The following PARD3 variants were observed in gnomAD, a reference collection of about 807,000 sequenced individuals.
The protein encoded by PARD3 is partitioning defective 3 homolog.
In PARD3, 75 loss-of-function variants were observed where a neutral mutation model predicts 155.4. The ratio of observed to expected loss-of-function variants is 0.48; its 90% CI spans 0.40 to 0.58. PARD3 has a LOEUF of 0.58. Among genes scored for constraint, PARD3 ranks in the 20% least tolerant of loss-of-function variants. The pLI is 0.00. For missense variants in PARD3, 1,642 were observed against 1,721.7 expected (o/e 0.95, Z 0.82); for synonymous variants, 576 against 610.5 (o/e 0.94, Z 0.83).
At chr10:34,478,148 CTTG>C (rs925826649) in intron 3 of PARD3, among the ~76,000 whole-genome samples, 9 of 152,140 alleles carry the variant, frequency 5.9e-5, no homozygotes, top group South Asian at 4.1e-4. Flanking sequence ...ATCTTATCAC[CTTG>C]TTATTAAATT....
intron 22 of PARD3, among the ~76,000 whole-genome samples, chr10:34,256,456 C>T (rs1459957588): frequency 6.6e-6 from 1 of 152,238 alleles, no homozygotes; most frequent in Non-Finnish European, 1.5e-5. Context: ...TCAGTTAAAA[C>T]AAAGGTGATA....
chr10:34,501,152 T>C (rs2133426372), intron 3 of PARD3, among the ~76,000 whole-genome samples: 1 of 152,290 alleles, frequency 6.6e-6, no homozygotes, highest in South Asian at 2.1e-4. Flanking sequence ...CTTGGATACT[T>C]GCCCCCTGCC....
At chr10:34,364,625 G>A (rs1839791135) in intron 12 of PARD3, among the ~76,000 whole-genome samples, 2 of 152,012 alleles carry the variant, frequency 1.3e-5, no homozygotes, top group Admixed American at 1.3e-4. Context: ...GTAGAGACAG[G>A]GTCTTGATAT....
At chr10:34,360,336 G>T in intron 12 of PARD3, 77 bp from the exon 13 acceptor site, 9 of 1,053,124 alleles carry the variant, frequency 8.5e-6, no homozygotes, top group Non-Finnish European at 1.3e-5. Flanking sequence ...GACTGCTAAT[G>T]AGCAGTTCCT....
chr10:34,288,872 C>G (rs1359885558), intron 20 of PARD3, among the ~76,000 whole-genome samples: 2 of 152,232 alleles, frequency 1.3e-5, no homozygotes, highest in African/African-American at 4.8e-5. Flanking sequence ...TACTACCCAG[C>G]AGGTGTCAGG....
rs74399572 is a variant in PARD3, at chr10:34,446,526, C to T, written c.714+3791G>A. Among the ~76,000 whole-genome samples, 442 of 152,100 alleles carry T rather than the reference C, an allele frequency of 2.9e-3. 1 individual carries two copies. Among genetic ancestry groups the T allele is most frequent in the African/African-American group, 0.01 (420 of 41,500 alleles). ...CCCAAATCTCATATATGGTAAACAG[C>T]TAGTAACCAGTCAGTCTGACTTCTG... On this transcript the variant is annotated intron_variant, in intron 5 of 24. Transcript: ENST00000374788.
Position 34,399,344 on chromosome 10 carries a change from A to G in PARD3, c.876T>C (p.Ser292=), listed in dbSNP as rs1196051786. Residue 292 remains serine, a synonymous_variant, in exon 7 of 25, where the codon AGT becomes AGC. Coordinates refer to ENST00000374788, the MANE Select transcript of PARD3 (RefSeq NM_001184785.2). ...GPLGIHVVPF[S]ARGGRTLGLL... ...AGATACGTTACCTGCCGCCTCGAGC[A>G]CTGAAAGGCACTACGTGGATTCCCA... 1.9e-6 allele frequency: 3 copies of G among 1,606,502 alleles called. No homozygotes were observed. The Admixed American group carries it at 5.0e-5, about 27-fold the overall frequency.
chr10:34,738,242 A>G (rs961388962), intron 1 of PARD3, among the ~76,000 whole-genome samples: 16 of 152,220 alleles, frequency 1.1e-4, no homozygotes, highest in Non-Finnish European at 1.8e-4. Context: ...AAACACTTCT[A>G]ATAAGATAGC....
intron 2 of PARD3, among the ~76,000 whole-genome samples, chr10:34,541,046 T>C (rs73267315): frequency 0.024 from 3,656 of 152,214 alleles, 148 homozygotes; most frequent in African/African-American, 0.084. Flanking sequence ...CAAAAAGCCA[T>C]TCAAAAAATT....
chr10:34,282,428 G>A (rs925430380), intron 21 of PARD3, among the ~76,000 whole-genome samples: 4 of 152,090 alleles, frequency 2.6e-5, no homozygotes, highest in African/African-American at 9.7e-5. Context: ...CTGTGCCTTA[G>A]GCAAATTAAT....
chr10:34,564,533 T>C (rs544540837), intron 2 of PARD3, among the ~76,000 whole-genome samples: 29 of 152,312 alleles, frequency 1.9e-4, no homozygotes, highest in East Asian at 5.8e-4. Context: ...CCAGCTCAGG[T>C]AGCTGGAATG....
At chr10:34,595,889 G>A (rs2134416431) in intron 2 of PARD3, among the ~76,000 whole-genome samples, 1 of 152,242 alleles carries the variant, frequency 6.6e-6, no homozygotes. Context: ...CACTTTGGGA[G>A]GCCAACGTGG....
intron 2 of PARD3, among the ~76,000 whole-genome samples, chr10:34,646,758 C>T (rs1163646932): frequency 6.6e-6 from 1 of 152,234 alleles, no homozygotes; most frequent in African/African-American, 2.4e-5. Context: ...CACCACTTCC[C>T]TGCCCCAAGT....
At chr10:34,154,371 G>C (rs1948902961) in intron 22 of PARD3, among the ~76,000 whole-genome samples, 1 of 152,166 alleles carries the variant, frequency 6.6e-6, no homozygotes, top group Admixed American at 6.5e-5. Flanking sequence ...TGAATGAAAA[G>C]AAATGCTGCA....
At chr10:34,211,756 G>A (rs1588777632) in intron 22 of PARD3, among the ~76,000 whole-genome samples, 1 of 151,840 alleles carries the variant, frequency 6.6e-6, no homozygotes, top group African/African-American at 2.4e-5. Flanking sequence ...CTCCAGCCTG[G>A]GTGACAGAGC....
At chr10:34,406,521 G>A (rs1382221177) in intron 5 of PARD3, among the ~76,000 whole-genome samples, 2 of 152,052 alleles carry the variant, frequency 1.3e-5, no homozygotes, top group African/African-American at 4.8e-5. Flanking sequence ...ACTAATAATT[G>A]GTCTGATATC....
chr10:34,548,948 A>G (rs1020396170), intron 2 of PARD3, among the ~76,000 whole-genome samples: 5 of 152,240 alleles, frequency 3.3e-5, no homozygotes, highest in Non-Finnish European at 7.3e-5. Context: ...TACATCAGCC[A>G]GGTCCAAACA....
intron 2 of PARD3, among the ~76,000 whole-genome samples, chr10:34,560,954 C>T (rs752865248): frequency 6.6e-6 from 1 of 152,094 alleles, no homozygotes; most frequent in African/African-American, 2.4e-5. Flanking sequence ...TGGGCATGTG[C>T]GCAGGTGAGG....
At chr10:34,626,887 A>G (rs1328595450) in intron 2 of PARD3, among the ~76,000 whole-genome samples, 3 of 152,236 alleles carry the variant, frequency 2.0e-5, no homozygotes, top group African/African-American at 7.2e-5. Context: ...AGGCACATGC[A>G]TAAGCCCAGG....
Sources: gnomAD v4.1 joint callset for allele counts (sites outside exome capture counted in the v4.1 genomes callset) on GRCh38, gnomAD v4.1.1 for gene constraint, MANE v1.5 for transcripts, NCBI Gene and HGNC (gene_info 2026-07-23, HGNC 2026-07-21) for gene names.